ATP8A1: variants seen among roughly 807,000 people sequenced by gnomAD.
The protein encoded by ATP8A1 is phospholipid-transporting ATPase IA.
Under a neutral mutation model 177.7 loss-of-function variants are expected in ATP8A1, and 90 were observed. The ratio of observed to expected loss-of-function variants is 0.51; its 90% CI spans 0.43 to 0.60. The LOEUF is 0.60. Ranked by LOEUF, ATP8A1 falls within the 20% of genes least tolerant of loss-of-function variation. The pLI is 0.00. For missense variants in ATP8A1, 1,072 were observed against 1,392.8 expected, an observed-to-expected ratio of 0.77 and a Z score of 3.67; for synonymous variants, 493 against 485.9, an observed-to-expected ratio of 1.01 and a Z score of -0.19.
At chr4:42,498,207 G>A (rs1723477552) in intron 24 of ATP8A1, among the ~76,000 whole-genome samples, 1 of 152,270 alleles carries the variant, frequency 6.6e-6, no homozygotes, top group South Asian at 2.1e-4. Context: ...CTTTTCTGGA[G>A]TTGAGTCAAT....
At chr4:42,443,756 ATTAAC>A in intron 32 of ATP8A1, 84 bp from the exon 33 acceptor site, 1 of 676,438 alleles carries the variant, frequency 1.5e-6, no homozygotes, top group South Asian at 1.7e-5. Context: ...AAATTCCCTT[ATTAAC>A]TTTTTATTAT....
chr4:42,555,123 ATCTATCTATCTATCTAATCTATCTATCT>A (rs1729971383), intron 16 of ATP8A1, among the ~76,000 whole-genome samples: 13 of 97,842 alleles, frequency 1.3e-4, no homozygotes, highest in South Asian at 1.0e-3. Flanking sequence ...CTATCTATCT[ATCTATCTATCTATCTAATCTATCTATCT>A]ATCTATCTAT....
chr4:42,654,285 C>G (rs1396995188), intron 1 of ATP8A1, among the ~76,000 whole-genome samples: 1 of 152,220 alleles, frequency 6.6e-6, no homozygotes, highest in Non-Finnish European at 1.5e-5. Flanking sequence ...ACAACATCCC[C>G]TCTTAGACTA....
At chr4:42,468,458 CACACATACACAT>C (rs1417475561) in intron 25 of ATP8A1, among the ~76,000 whole-genome samples, 2 of 148,814 alleles carry the variant, frequency 1.3e-5, no homozygotes, top group African/African-American at 2.5e-5. Flanking sequence ...CACACAGACA[CACACATACACAT>C]ATATGAATGA....
intron 14 of ATP8A1, among the ~76,000 whole-genome samples, chr4:42,569,660 G>A (rs192298271): frequency 2.0e-5 from 3 of 152,186 alleles, no homozygotes; most frequent in East Asian, 3.9e-4. Context: ...TGGCTACCAC[G>A]AGATGATGGT....
At chr4:42,573,967 A>AT (rs751337226) in intron 14 of ATP8A1, among the ~76,000 whole-genome samples, 15 of 152,330 alleles carry the variant, frequency 9.8e-5, no homozygotes, top group Middle Eastern at 3.4e-3. Context: ...AAATGTAGAA[A>AT]TTAATTTTCT....
At chr4:42,501,983 T>C (rs1187662732) in intron 24 of ATP8A1, among the ~76,000 whole-genome samples, 8 of 152,182 alleles carry the variant, frequency 5.3e-5, no homozygotes, top group African/African-American at 7.2e-5. Flanking sequence ...AGGAGACTTT[T>C]AGCCACTTTA....
chr4:42,562,930 G>T (rs1402169714), intron 15 of ATP8A1, among the ~76,000 whole-genome samples: 3 of 152,148 alleles, frequency 2.0e-5, no homozygotes, highest in Admixed American at 6.5e-5. Flanking sequence ...TCTGTAAATT[G>T]CCCAGTCTCA....
chr4:42,420,626 T>A lies in ATP8A1; in HGVS notation c.3305+2181A>T, dbSNP rs577837789. 2.6e-5 allele frequency among the ~76,000 whole-genome samples: 4 copies of A among 152,286 alleles called. No homozygotes were observed. In the South Asian group the frequency reaches 8.3e-4, roughly 32 times the overall value. On this transcript the variant is annotated intron_variant, in intron 35 of 36. Transcript: ENST00000381668. ...AGACAACAAAAAGACAAACTAAGTA[T>A]CACGTGGAAGGGCTTAATGTGATTT...
rs1732682792 is a variant in ATP8A1 at position 42,578,376 on chromosome 4, T to G, written c.1012A>C (p.Ser338Arg). The G allele has an allele frequency of 1.2e-6, 2 of 1,611,908 alleles. No individual in the cohort carries two copies. The highest frequency in any genetic ancestry group is 1.7e-6 in the Non-Finnish European group (2 of 1,178,988). The part of the protein sequence containing the change: ...WYLNLNYGGA[S>R]NFGLNFLTFI... ...GTCAAGAAATTCAGTCCAAAATTAC[T>G]AGCGCCACCATCTGTTGGGAGAGGC... Residue 338 changes from serine (S) to arginine (R), a missense_variant, in exon 12 of 37, where the codon AGT (serine) becomes CGT (arginine). Physicochemically the swap from Ser to Arg is moderately radical, Grantham distance 110. This residue lies in a region of ATP8A1 where 20 missense variants were observed against 51.3 expected (regional missense o/e 0.39). Coordinates refer to ENST00000381668, the MANE Select transcript of ATP8A1 (RefSeq NM_006095.2).
chr4:42,555,085 G>GTA (rs1729929119), intron 16 of ATP8A1, among the ~76,000 whole-genome samples: 1 of 119,476 alleles, frequency 8.4e-6, no homozygotes, highest in African/African-American at 3.2e-5. Flanking sequence ...CTTTGTGTGT[G>GTA]TATCTATCTA....
At position 42,574,531 on chromosome 4, in the gene ATP8A1, C is replaced by A; in HGVS notation, c.1295+88G>T. On this transcript the variant is annotated intron_variant, in intron 14 of 36. Transcript: ENST00000381668. ...TAAAAAAAACCAAACAACCCCATAC[C>A]CTCCCCTAATAAGAACTCCCAAATG... 3 of 1,039,044 alleles carry A rather than the reference C, an allele frequency of 2.9e-6. No homozygotes were observed. In the South Asian group the frequency reaches 4.4e-5, roughly 15 times the overall value. The allele number at this position is 1,039,044 out of a possible 1,614,324, so 64.4% of individuals were successfully genotyped here. A position where few individuals can be genotyped will look rare whatever the true frequency, so the allele number is the denominator to read the frequency against.
chr4:42,526,749 A>G (rs1284378090), intron 20 of ATP8A1, among the ~76,000 whole-genome samples: 1 of 152,120 alleles, frequency 6.6e-6, no homozygotes, highest in Admixed American at 6.6e-5. Context: ...CTGTCCCTCT[A>G]GAGAACCCTG....
chr4:42,462,401 T>C (rs1295459611), intron 27 of ATP8A1, among the ~76,000 whole-genome samples: 3 of 152,204 alleles, frequency 2.0e-5, no homozygotes, highest in East Asian at 3.9e-4. Context: ...GCTCCAGACA[T>C]GGCTGAAAGG....
At chr4:42,460,677 G>A (rs1390695575) in intron 27 of ATP8A1, among the ~76,000 whole-genome samples, 2 of 152,180 alleles carry the variant, frequency 1.3e-5, no homozygotes, top group African/African-American at 2.4e-5. Flanking sequence ...GTGAGCCAAC[G>A]CACCCAGCCT....
intron 20 of ATP8A1, among the ~76,000 whole-genome samples, chr4:42,533,079 C>T (rs577187654): frequency 3.9e-5 from 6 of 152,290 alleles, no homozygotes; most frequent in East Asian, 1.9e-4. Context: ...TCTCTTCACA[C>T]GGACGTGCGT....
intron 27 of ATP8A1, among the ~76,000 whole-genome samples, chr4:42,461,109 T>C (rs1347781668): frequency 6.6e-6 from 1 of 152,200 alleles, no homozygotes; most frequent in African/African-American, 2.4e-5. Context: ...AAATGTAAAA[T>C]ATACTCCAGA....
At chr4:42,636,852 C>T (rs1739447648) in intron 1 of ATP8A1, among the ~76,000 whole-genome samples, 1 of 152,166 alleles carries the variant, frequency 6.6e-6, no homozygotes. Context: ...GTCAATTTGC[C>T]ATCTGGAGAG....
chr4:42,454,193 C>T (rs1718229014), intron 29 of ATP8A1, among the ~76,000 whole-genome samples: 1 of 152,166 alleles, frequency 6.6e-6, no homozygotes, highest in African/African-American at 2.4e-5. Flanking sequence ...CATAGGCACG[C>T]TGTGTTCGTG....
Sources: allele counts gnomAD v4.1 joint callset (sites outside exome capture counted in the v4.1 genomes callset), GRCh38; gene constraint gnomAD v4.1.1; regional missense constraint gnomAD v4.1.1; transcripts MANE v1.5; gene names NCBI Gene and HGNC (gene_info 2026-07-23, HGNC 2026-07-21).